Variants in FBXL7 observed in about 807,000 individuals in gnomAD.
FBXL7 encodes F-box/LRR-repeat protein 7.
Under a neutral mutation model 38.3 loss-of-function variants are expected in FBXL7, and 12 were observed. That is an observed-to-expected ratio of 0.31 (90% CI 0.20 to 0.51). FBXL7 has a LOEUF of 0.51. Ranked by LOEUF, FBXL7 falls within the 20% of genes least tolerant of loss-of-function variation. The pLI is 0.98. For synonymous variants in FBXL7, 297 were observed against 300.9 expected (o/e 0.99, Z 0.13); for missense variants, 567 against 676.4 (o/e 0.84, Z 1.79).
chr5:15,646,811 C>T (rs1009316989), intron 2 of FBXL7, among the ~76,000 whole-genome samples: 8 of 152,088 alleles, frequency 5.3e-5, no homozygotes, highest in South Asian at 2.1e-4. Flanking sequence ...TGGTGACAGT[C>T]GCGTGGGGAG....
intron 2 of FBXL7, among the ~76,000 whole-genome samples, chr5:15,804,794 T>C: frequency 6.6e-6 from 1 of 152,178 alleles, no homozygotes; most frequent in East Asian, 1.9e-4. Context: ...GAAAATCTAA[T>C]GCCTGATGAT....
intron 1 of FBXL7, among the ~76,000 whole-genome samples, chr5:15,609,731 G>C (rs1325283052): frequency 1.3e-5 from 2 of 152,200 alleles, no homozygotes; most frequent in Non-Finnish European, 2.9e-5. Flanking sequence ...ACTGCCCTGA[G>C]CTGGACTGTG....
intron 2 of FBXL7, among the ~76,000 whole-genome samples, chr5:15,925,895 C>A (rs1471935658): frequency 6.6e-6 from 1 of 152,126 alleles, no homozygotes; most frequent in Non-Finnish European, 1.5e-5. Flanking sequence ...TTTGAGTACC[C>A]ATACAACCAT....
intron 2 of FBXL7, among the ~76,000 whole-genome samples, chr5:15,755,984 T>C (rs769296444): frequency 6.6e-6 from 1 of 152,202 alleles, no homozygotes; most frequent in East Asian, 1.9e-4. Flanking sequence ...ACTGCCCTAC[T>C]GGCTGGTTGC....
chr5:15,568,242 A>C (rs1336302203), intron 1 of FBXL7, among the ~76,000 whole-genome samples: 1 of 151,724 alleles, frequency 6.6e-6, no homozygotes, highest in Non-Finnish European at 1.5e-5. Flanking sequence ...ATTTCTCCAC[A>C]TCCTCTCCAG....
intron 2 of FBXL7, among the ~76,000 whole-genome samples, chr5:15,764,746 G>A (rs1736542183): frequency 6.6e-6 from 1 of 152,236 alleles, no homozygotes; most frequent in Admixed American, 6.5e-5. Flanking sequence ...GGTATTGGGA[G>A]CACTGAAATA....
intron 2 of FBXL7, among the ~76,000 whole-genome samples, chr5:15,711,630 G>A (rs747000441): frequency 4.6e-5 from 7 of 152,146 alleles, no homozygotes; most frequent in African/African-American, 7.2e-5. Context: ...TAGCTGGCAT[G>A]AGAATCTGAA....
In FBXL7 at chr5:15,754,040, T is replaced by A. The variant is rs1008871002; in HGVS notation, c.127+137968T>A. Reference sequence around the variant, plus strand: ...AATCAGTGGTTCTCAAATTTGAATGTGCAACAGAATCACTGGACCTCATTA... The same window carrying A: ...AATCAGTGGTTCTCAAATTTGAATGAGCAACAGAATCACTGGACCTCATTA... On this transcript the variant is annotated intron_variant, in intron 2 of 3. Transcript: ENST00000504595. Among the ~76,000 whole-genome samples the A allele has an allele frequency of 2.6e-5, 4 of 152,238 alleles. No individual in the cohort carries two copies. In the East Asian group the frequency reaches 7.7e-4, roughly 29 times the overall value.
At chr5:15,541,608 G>A (rs965169280) in intron 1 of FBXL7, among the ~76,000 whole-genome samples, 3 of 140,580 alleles carry the variant, frequency 2.1e-5, no homozygotes, top group African/African-American at 8.0e-5. Flanking sequence ...ACAGTGGTGC[G>A]ACCTTGGCTT....
At chr5:15,563,531 G>A (rs546955605) in intron 1 of FBXL7, among the ~76,000 whole-genome samples, 11 of 152,186 alleles carry the variant, frequency 7.2e-5, no homozygotes, top group African/African-American at 2.4e-4. Context: ...TTTATTGCAA[G>A]TATTTCTCAC....
At chr5:15,917,431 A>T (rs1187078742) in intron 2 of FBXL7, among the ~76,000 whole-genome samples, 1 of 152,054 alleles carries the variant, frequency 6.6e-6, no homozygotes, top group East Asian at 1.9e-4. Context: ...ATATAGCAAG[A>T]TCTCATCTCT....
At chr5:15,520,622 T>C (rs1737070678) in intron 1 of FBXL7, among the ~76,000 whole-genome samples, 2 of 152,210 alleles carry the variant, frequency 1.3e-5, no homozygotes, top group Non-Finnish European at 1.5e-5. Flanking sequence ...TCGAAAAAGA[T>C]AGCTGAATTA....
In FBXL7 at chr5:15,660,740, A is replaced by G. The variant is rs556943258; in HGVS notation, c.127+44668A>G. ...TAATCATAAGAAGGCATATAAGTTC[A>G]TTGTTAATTTAATGTTATTACTACC... On this transcript the variant is annotated intron_variant, in intron 2 of 3. Coordinates refer to ENST00000504595, the MANE Select transcript of FBXL7 (RefSeq NM_012304.5). Among the ~76,000 whole-genome samples the G allele has an allele frequency of 2.0e-5, 3 of 152,252 alleles. No individual in the cohort carries two copies. The East Asian group carries it at 5.8e-4, about 29-fold the overall frequency.
At chr5:15,901,313 C>T (rs957090661) in intron 2 of FBXL7, among the ~76,000 whole-genome samples, 1 of 152,142 alleles carries the variant, frequency 6.6e-6, no homozygotes, top group African/African-American at 2.4e-5. Context: ...TGTGTCTTCA[C>T]GTGGTAGAAG....
intron 2 of FBXL7, among the ~76,000 whole-genome samples, chr5:15,682,743 GC>G (rs2126611764): frequency 6.6e-6 from 1 of 152,306 alleles, no homozygotes; most frequent in African/African-American, 2.4e-5. Flanking sequence ...GGGGAAAGCT[GC>G]TTACAACTAC....
At chr5:15,512,125 T>G (rs1342741365) in intron 1 of FBXL7, among the ~76,000 whole-genome samples, 4 of 152,208 alleles carry the variant, frequency 2.6e-5, no homozygotes, top group Non-Finnish European at 2.9e-5. Context: ...TTTTCTTCAG[T>G]CTTCTCTTAT....
At position 15,850,927 on chromosome 5, in the gene FBXL7, CT is replaced by C. The variant is rs1380453002; in HGVS notation, c.128-76962del. 8.5e-5 allele frequency among the ~76,000 whole-genome samples: 13 copies of C among 152,386 alleles called. No homozygotes were observed. In the East Asian group the frequency reaches 2.5e-3, roughly 29 times the overall value. On this transcript the variant is annotated intron_variant, in intron 2 of 3. Coordinates refer to ENST00000504595, the MANE Select transcript of FBXL7 (RefSeq NM_012304.5). ...AACGTGTGCTCTGTGCCCTGCTCAT[CT>C]CTTGCGGCTTGGCTGTCGCCAGCAT...
chr5:15,901,979 T>A (rs1012583815), intron 2 of FBXL7, among the ~76,000 whole-genome samples: 2 of 152,186 alleles, frequency 1.3e-5, no homozygotes, highest in South Asian at 4.1e-4. Context: ...GATGTGATGA[T>A]TATATGGCCA....
intron 2 of FBXL7, among the ~76,000 whole-genome samples, chr5:15,719,906 A>C (rs1384029494): frequency 6.7e-6 from 1 of 148,836 alleles, no homozygotes; most frequent in African/African-American, 2.4e-5. Context: ...GGAAGTAATA[A>C]GGCCAATCAG....
Sources: allele counts gnomAD v4.1 joint callset (sites outside exome capture counted in the v4.1 genomes callset), GRCh38; gene constraint gnomAD v4.1.1; transcripts MANE v1.5; gene names NCBI Gene and HGNC (gene_info 2026-07-23, HGNC 2026-07-21).